Variants in CFAP45 observed in about 807,000 individuals in gnomAD.
CFAP45 encodes cilia- and flagella-associated protein 45.
In CFAP45, 43 loss-of-function variants were observed where a neutral mutation model predicts 75.6. That is an observed-to-expected ratio of 0.57 (90% CI 0.45 to 0.73). The LOEUF is 0.73. CFAP45 is among the 30% of genes least tolerant of loss of function. The probability of loss-of-function intolerance (pLI) is 0.00; values close to 1 mark genes in which losing one functional copy is unlikely to be tolerated. For synonymous variants in CFAP45, 223 were observed against 244.6 expected (o/e 0.91, Z 0.82); for missense variants, 689 against 701.5 (o/e 0.98, Z 0.20).
intron 6 of CFAP45, 54 bp from the exon 7 acceptor site, chr1:159,884,619 G>C: frequency 6.4e-7 from 1 of 1,569,266 alleles, no homozygotes; most frequent in Non-Finnish European, 8.7e-7. Context: ...ACATCTCCCA[G>C]AGTCCAACCT....
At chr1:159,884,369 C>A (rs1649624368) in intron 7 of CFAP45, 67 bp downstream of exon 7, 2 of 1,506,186 alleles carry the variant, frequency 1.3e-6, no homozygotes, top group Non-Finnish European at 8.9e-7. Context: ...ACCCTGAAAC[C>A]CCAGAGTCTT....
chr1:159,900,072 G>A, intron 1 of CFAP45, 24 bp downstream of exon 1: 2 of 1,613,880 alleles, frequency 1.2e-6, no homozygotes, highest in Non-Finnish European at 1.7e-6. Flanking sequence ...GGACACAAGG[G>A]GCCCATCTGA....
At chr1:159,890,408 C>A (rs1649796401) in intron 3 of CFAP45, 72 bp downstream of exon 3, 1 of 1,482,440 alleles carries the variant, frequency 6.7e-7, no homozygotes, top group East Asian at 2.3e-5. Flanking sequence ...GTGGGTTTAC[C>A]CATCTCCCTA....
chr1:159,897,341 T>C (rs1387300423), intron 1 of CFAP45, among the ~76,000 whole-genome samples: 1 of 151,916 alleles, frequency 6.6e-6, no homozygotes, highest in African/African-American at 2.4e-5. Context: ...CCCAGCACTT[T>C]GGGAGGCCAA....
intron 7 of CFAP45, among the ~76,000 whole-genome samples, chr1:159,883,383 C>G (rs6659439): frequency 6.6e-6 from 1 of 151,960 alleles, no homozygotes; most frequent in African/African-American, 2.4e-5. Context: ...CCTTGATTAA[C>G]GTCTAGTTTG....
At chr1:159,882,876 A>G (rs758376050) in intron 7 of CFAP45, among the ~76,000 whole-genome samples, 1 of 152,110 alleles carries the variant, frequency 6.6e-6, no homozygotes, top group Non-Finnish European at 1.5e-5. Context: ...GAGCCAGGAA[A>G]TGGAGTAACT....
intron 3 of CFAP45, among the ~76,000 whole-genome samples, 156 bp downstream of exon 3, chr1:159,890,324 A>C (rs1261501290): frequency 6.6e-6 from 1 of 152,240 alleles, no homozygotes; most frequent in Non-Finnish European, 1.5e-5. Flanking sequence ...TGGAGAAGAA[A>C]GAAAGAACTA....
chr1:159,876,766 G>A lies in CFAP45; in HGVS notation c.1159-17C>T, dbSNP rs753632599. On this transcript the variant is annotated splice_polypyrimidine_tract_variant and intron_variant, in intron 9 of 11. Transcript: ENST00000368099. ...CAAGGCATCCTGGGAATGTTGGCAG[G>A]GGACCAGTGAGGGCACAAAATAGCT... The A allele has an allele frequency of 5.0e-6, 8 of 1,613,922 alleles. No homozygotes were observed. The highest frequency in any genetic ancestry group is 2.2e-5 in the East Asian group (1 of 44,890).
At position 159,880,646 on chromosome 1, in the gene CFAP45, T is replaced by TG; in HGVS notation, c.951dup (p.Ile318HisfsTer3). ...TTCTGTTTCTGGTTTTCATCATTGA[T>TG]GCGCTTAATCTCAGCTTGCATCTTC... On this transcript the variant is annotated frameshift_variant, in exon 8 of 12. Transcript: ENST00000368099. LOFTEE classifies it high-confidence loss of function. 1 of 1,614,076 alleles carries TG rather than the reference T, an allele frequency of 6.2e-7. No individual in the cohort carries two copies. Among genetic ancestry groups the TG allele is most frequent in the Non-Finnish European group, 8.5e-7 (1 of 1,179,970 alleles).
rs778565474 is a variant in CFAP45, at chr1:159,884,413, G to A, written c.897+23C>T. ...TTGATGCTGCAGCTGGTGAAACGTG[G>A]CATTGTCTGTCTGGCCTGTTACCTT... On this transcript the variant is annotated intron_variant, in intron 7 of 11. Transcript: ENST00000368099. The A allele has an allele frequency of 8.2e-6, 13 of 1,582,780 alleles. No individual in the cohort carries two copies. In the African/African-American group the frequency reaches 1.6e-4, roughly 20 times the overall value.
chr1:159,875,363 T>A (rs1373211740), intron 10 of CFAP45, among the ~76,000 whole-genome samples: 1 of 151,966 alleles, frequency 6.6e-6, no homozygotes, highest in Non-Finnish European at 1.5e-5. Context: ...CTTCACTAGG[T>A]GTCCAGTGAC....
chr1:159,884,860 C>T (rs1036675181), intron 6 of CFAP45, among the ~76,000 whole-genome samples: 4 of 152,142 alleles, frequency 2.6e-5, no homozygotes, highest in Admixed American at 2.6e-4. Context: ...CACCTTCTAC[C>T]TTCCAGTATA....
intron 4 of CFAP45, 109 bp downstream of exon 4, chr1:159,888,243 T>C: frequency 8.2e-7 from 1 of 1,218,112 alleles, no homozygotes; most frequent in Admixed American, 2.1e-5. Flanking sequence ...TATTTCTTCA[T>C]TAAGTACATA....
chr1:159,897,712 G>C (rs1324221418), intron 1 of CFAP45, among the ~76,000 whole-genome samples: 2 of 151,974 alleles, frequency 1.3e-5, no homozygotes, highest in African/African-American at 2.4e-5. Context: ...ACCATCTTAA[G>C]ATGTTTCTTT....
At chr1:159,883,600 A>C (rs1160817889) in intron 7 of CFAP45, among the ~76,000 whole-genome samples, 2 of 145,440 alleles carry the variant, frequency 1.4e-5, no homozygotes, top group African/African-American at 2.6e-5. Context: ...TCTGCAACTT[A>C]CTTTCAAATA....
intron 8 of CFAP45, among the ~76,000 whole-genome samples, chr1:159,878,451 G>A (rs1649459883): frequency 6.6e-6 from 1 of 151,976 alleles, no homozygotes; most frequent in African/African-American, 2.4e-5. Flanking sequence ...AGGCAAATGT[G>A]ACATTTATAA....
intron 6 of CFAP45, 80 bp downstream of exon 6, chr1:159,886,431 T>G: frequency 8.3e-7 from 1 of 1,199,646 alleles, no homozygotes; most frequent in Non-Finnish European, 1.2e-6. Context: ...TTCTCATCTC[T>G]TCCCTCTTTG....
Position 159,890,552 on chromosome 1 carries a change from A to G in CFAP45, c.200T>C (p.Leu67Pro). Residue 67 changes from leucine (L) to proline (P), a missense_variant, in exon 3 of 12, where the codon CTC becomes CCC. Transcript: ENST00000368099. Reference protein sequence around the residue: ...LRDKHTLQKTLTALGLDRKPE... With the variant: ...LRDKHTLQKTPTALGLDRKPE... ...CTTGCGATCCAAGCCCAAAGCAGTGAGAGTTTTTTGAAGGGTATGCTTATC... is the reference window on the plus strand; with the variant it reads ...CTTGCGATCCAAGCCCAAAGCAGTGGGAGTTTTTTGAAGGGTATGCTTATC... 1 of 1,614,046 alleles carries G rather than the reference A, an allele frequency of 6.2e-7. No individual in the cohort carries two copies. The highest frequency in any genetic ancestry group is 8.5e-7 in the Non-Finnish European group (1 of 1,180,000).
chr1:159,892,539 C>T (rs747974577), intron 2 of CFAP45, among the ~76,000 whole-genome samples: 4 of 152,168 alleles, frequency 2.6e-5, no homozygotes, highest in Non-Finnish European at 4.4e-5. Context: ...TTCCCCTTCT[C>T]TTAATCTCTC....
Sources: gnomAD v4.1 joint callset for allele counts (sites outside exome capture counted in the v4.1 genomes callset) on GRCh38, gnomAD v4.1.1 for gene constraint, MANE v1.5 for transcripts, NCBI Gene and HGNC (gene_info 2026-07-23, HGNC 2026-07-21) for gene names.